Variants in BNIP3 observed in about 807,000 individuals in gnomAD.
BNIP3 encodes the protein BCL2/adenovirus E1B 19 kDa protein-interacting protein 3.
BNIP3 carries 16 observed loss-of-function variants against 23.9 expected under a neutral mutation model. That is an observed-to-expected ratio of 0.67 (90% CI 0.45 to 1.01). The LOEUF (loss-of-function observed/expected upper bound fraction) is 1.01, where lower values mean the gene tolerates loss of function less well. BNIP3 is among the 50% of genes least tolerant of loss of function. BNIP3 has a pLI of 0.00. For missense variants in BNIP3, 198 were observed against 248.7 expected (o/e 0.80, Z 1.37); for synonymous variants, 81 against 89.3 (o/e 0.91, Z 0.53).
chr10:131,970,386 T>C lies in BNIP3; in HGVS notation c.539+252A>G, dbSNP rs1228525415. The C allele has an allele frequency of 1.8e-6, 1 of 559,334 alleles. No individual in the cohort carries two copies. The highest frequency in any genetic ancestry group is 3.2e-5 in the Admixed American group (1 of 31,014). The allele number at this position is 559,334 out of a possible 1,614,324, so 34.6% of individuals were successfully genotyped here. A position where few individuals can be genotyped will look rare whatever the true frequency, so the allele number is the denominator to read the frequency against. The stretch of plus-strand genomic sequence containing the variant: ...CCTAAGAAGCCCTGCTTTGACTCCG[T>C]TTATATTCAGTGAGCAACAGGCAGA... On this transcript the variant is annotated intron_variant, in intron 5 of 5. Coordinates refer to ENST00000368636, the MANE Select transcript of BNIP3 (RefSeq NM_004052.4). This position sits in a 1 kb window ranked among gnomAD's most constrained non-coding sequence, Gnocchi z 4.1.
chr10:131,968,177 T>C lies in BNIP3; in HGVS notation c.*347A>G, dbSNP rs1177373054. On this transcript the variant is annotated 3_prime_UTR_variant, in exon 6 of 6. Transcript: ENST00000368636. Reference sequence around the variant, plus strand: ...CTTTTGAAATATAAAGTACTTCAGCTGAATTAAGGTTGCAGATAATTTTTA... The same window carrying C: ...CTTTTGAAATATAAAGTACTTCAGCCGAATTAAGGTTGCAGATAATTTTTA... The C allele has an allele frequency of 5.9e-6, 1 of 169,558 alleles. No individual in the cohort carries two copies. The highest frequency in any genetic ancestry group is 1.4e-4 in the East Asian group (1 of 7,038). The allele number at this position is 169,558 out of a possible 1,614,324, so 10.5% of individuals were successfully genotyped here.
chr10:131,972,461 C>T (rs919151993), intron 3 of BNIP3, among the ~76,000 whole-genome samples: 5 of 152,304 alleles, frequency 3.3e-5, no homozygotes, highest in Non-Finnish European at 2.9e-5. Flanking sequence ...TACACTGCTC[C>T]GGCACCAGTT....
intron 1 of BNIP3, 137 bp from the exon 2 acceptor site, chr10:131,974,080 A>C: frequency 2.7e-6 from 3 of 1,113,064 alleles, no homozygotes; most frequent in Non-Finnish European, 3.8e-6. Context: ...CTCAACCCCG[A>C]CTTGAAGACA....
intron 5 of BNIP3, chr10:131,969,254 C>T (rs1008651349): frequency 1.3e-5 from 2 of 152,454 alleles, no homozygotes; most frequent in African/African-American, 4.8e-5. Flanking sequence ...GTGGCAGCAT[C>T]AGGCTCTGAA....
rs1260142742 is a variant in BNIP3 at position 131,976,477 on chromosome 10, G to A, written c.47-2534C>T. ...AGGGGATCCCACACACCTGCCTCAG[G>A]TTCAGTAATTTACTACAATTCACAG... is the stretch of plus-strand genomic sequence containing the variant. On this transcript the variant is annotated intron_variant, in intron 1 of 5. Transcript: ENST00000368636. The surrounding 1 kb of genome is among the most constrained non-coding windows in gnomAD (Gnocchi z 4.3). Among the ~76,000 whole-genome samples the A allele has an allele frequency of 6.6e-6, 1 of 152,116 alleles. No homozygotes were observed. The highest frequency in any genetic ancestry group is 6.5e-5 in the Admixed American group (1 of 15,270).
rs769544059 is a variant in BNIP3 at position 131,970,619 on chromosome 10, ACACAGTC to A, written c.539+12_539+18del. On this transcript the variant is annotated intron_variant, in intron 5 of 5. Coordinates refer to ENST00000368636, the MANE Select transcript of BNIP3 (RefSeq NM_004052.4). The surrounding 1 kb of genome is among the most constrained non-coding windows in gnomAD (Gnocchi z 4.1). ...CCCACGACATGCCATGACAGGAGTCACACAGTCACATCACCTACCCCAATCCGATGGC... is the reference window on the plus strand; with the variant it reads ...CCCACGACATGCCATGACAGGAGTCAACATCACCTACCCCAATCCGATGGC... 27 of 1,612,602 alleles carry A rather than the reference ACACAGTC, an allele frequency of 1.7e-5. No individual in the cohort carries two copies. In the East Asian group the frequency reaches 5.6e-4, roughly 33 times the overall value.
intron 2 of BNIP3, 86 bp downstream of exon 2, chr10:131,973,707 G>C: frequency 1.3e-6 from 2 of 1,560,920 alleles, no homozygotes; most frequent in Middle Eastern, 2.4e-4. Flanking sequence ...CACTGTCCTA[G>C]AGGTGACACG....
At chr10:131,973,505 C>T (rs2037057505) in intron 2 of BNIP3, 1 of 500,564 alleles carries the variant, frequency 2.0e-6, no homozygotes, top group Non-Finnish European at 3.6e-6. Flanking sequence ...GCGACCACAG[C>T]CCCGCTGAGG....
intron 1 of BNIP3, among the ~76,000 whole-genome samples, chr10:131,978,381 T>TAA (rs11484265): frequency 6.9e-4 from 93 of 134,884 alleles, no homozygotes; most frequent in South Asian, 1.7e-3. Flanking sequence ...TCACTTTGTG[T>TAA]AAAAAAAAAA....
At chr10:131,979,124 C>T (rs1220860743) in intron 1 of BNIP3, among the ~76,000 whole-genome samples, 1 of 152,206 alleles carries the variant, frequency 6.6e-6, no homozygotes, top group Non-Finnish European at 1.5e-5. Flanking sequence ...CTCCAGGTAT[C>T]CCACTGCTGC....
intron 3 of BNIP3, chr10:131,971,201 G>A (rs976891645): frequency 3.7e-6 from 2 of 547,840 alleles, no homozygotes; most frequent in South Asian, 4.1e-5. Context: ...GATCACCTCT[G>A]GGGGAGCCCC....
At chr10:131,971,663 G>A (rs748817764) in intron 3 of BNIP3, 1 of 151,352 alleles carries the variant, frequency 6.6e-6, no homozygotes, top group African/African-American at 2.4e-5. Context: ...CAAAAAAAAA[G>A]AAATAAAATT....
At chr10:131,974,931 C>G (rs1461533407) in intron 1 of BNIP3, among the ~76,000 whole-genome samples, 1 of 152,208 alleles carries the variant, frequency 6.6e-6, no homozygotes, top group Non-Finnish European at 1.5e-5. Flanking sequence ...AAGTGCAATT[C>G]TGGGATAATT....
chr10:131,970,397 T>A lies in BNIP3; in HGVS notation c.539+241A>T, dbSNP rs2037017639. 3.4e-6 allele frequency: 2 copies of A among 580,688 alleles called. No homozygotes were observed. The highest frequency in any genetic ancestry group is 3.2e-5 in the Admixed American group (1 of 31,604). The allele number at this position is 580,688 out of a possible 1,614,324, so 36.0% of individuals were successfully genotyped here. On this transcript the variant is annotated intron_variant, in intron 5 of 5. Transcript: ENST00000368636. This position sits in a 1 kb window ranked among gnomAD's most constrained non-coding sequence, Gnocchi z 4.1. ...CTGCTTTGACTCCGTTTATATTCAG[T>A]GAGCAACAGGCAGACTCGTCAGGCC...
In BNIP3 at chr10:131,970,598, C is replaced by A; in HGVS notation, c.539+40G>T. On this transcript the variant is annotated intron_variant, in intron 5 of 5. Coordinates refer to ENST00000368636, the MANE Select transcript of BNIP3 (RefSeq NM_004052.4). This position sits in a 1 kb window ranked among gnomAD's most constrained non-coding sequence, Gnocchi z 4.1. ...ATCACTGCAACCCAGAATCGCCCCA[C>A]GACATGCCATGACAGGAGTCACACA... is the stretch of plus-strand genomic sequence containing the variant. 1 of 1,604,640 alleles carries A rather than the reference C, an allele frequency of 6.2e-7. No individual in the cohort carries two copies. The highest frequency in any genetic ancestry group is 1.7e-5 in the Admixed American group (1 of 59,494).
intron 1 of BNIP3, among the ~76,000 whole-genome samples, chr10:131,978,815 G>A (rs1387507065): frequency 6.6e-6 from 1 of 152,216 alleles, no homozygotes; most frequent in African/African-American, 2.4e-5. Context: ...AAGCAGAGGA[G>A]CTGTGAACCC....
At chr10:131,972,618 T>G (rs776636661) in intron 3 of BNIP3, among the ~76,000 whole-genome samples, 51 of 152,258 alleles carry the variant, frequency 3.3e-4, no homozygotes, top group South Asian at 8.3e-4. Context: ...CCACACAGCA[T>G]GCAAATATTA....
chr10:131,976,841 C>A lies in BNIP3; in HGVS notation c.47-2898G>T, dbSNP rs533970679. Among the ~76,000 whole-genome samples the A allele has an allele frequency of 5.9e-5, 9 of 152,302 alleles. No homozygotes were observed. Among genetic ancestry groups the A allele is most frequent in the South Asian group, 2.1e-4 (1 of 4,834 alleles). ...TTCTGAAGGGGCTCCTTACAACTTA[C>A]ACCAAAAATGGTTAACCAAGGAGCA... On this transcript the variant is annotated intron_variant, in intron 1 of 5. Coordinates refer to ENST00000368636, the MANE Select transcript of BNIP3 (RefSeq NM_004052.4). This position sits in a 1 kb window ranked among gnomAD's most constrained non-coding sequence, Gnocchi z 4.3.
intron 1 of BNIP3, among the ~76,000 whole-genome samples, chr10:131,975,899 C>G (rs1190015899): frequency 6.6e-6 from 1 of 152,222 alleles, no homozygotes; most frequent in African/African-American, 2.4e-5. Context: ...TGTCTCGGAG[C>G]CTGGAGCTCA....
Sources: allele counts gnomAD v4.1 joint callset (sites outside exome capture counted in the v4.1 genomes callset), GRCh38; gene constraint gnomAD v4.1.1; non-coding constraint Gnocchi (gnomAD v3.1); transcripts MANE v1.5; gene names NCBI Gene and HGNC (gene_info 2026-07-23, HGNC 2026-07-21).